ROCK2: variants seen among roughly 807,000 people sequenced by gnomAD.
ROCK2 encodes the protein rho-associated protein kinase 2.
Under a neutral mutation model 195.1 loss-of-function variants are expected in ROCK2, and 61 were observed. That is an observed-to-expected ratio of 0.31 (90% CI 0.25 to 0.39). The LOEUF is 0.39. ROCK2 is among the 10% of genes least tolerant of loss of function. The pLI is 1.00. For missense variants in ROCK2, 1,109 were observed against 1,637.4 expected, an observed-to-expected ratio of 0.68 and a Z score of 5.57; for synonymous variants, 504 against 545.5, an observed-to-expected ratio of 0.92 and a Z score of 1.06.
chr2:11,260,379 T>C (rs974983908), intron 3 of ROCK2, among the ~76,000 whole-genome samples: 13 of 139,898 alleles, frequency 9.3e-5, no homozygotes, highest in Admixed American at 1.6e-4. Context: ...ACCTGGGAGG[T>C]AGAGGTTGCA....
chr2:11,327,114 T>G (rs1017138905), intron 1 of ROCK2, among the ~76,000 whole-genome samples: 2 of 152,192 alleles, frequency 1.3e-5, no homozygotes, highest in African/African-American at 4.8e-5. Context: ...CTTTTTTTGT[T>G]GGCCAAAGAG....
chr2:11,302,382 T>C (rs1413412166), intron 1 of ROCK2, among the ~76,000 whole-genome samples: 1 of 151,778 alleles, frequency 6.6e-6, no homozygotes, highest in Non-Finnish European at 1.5e-5. Flanking sequence ...TGCAGTGGTA[T>C]GGTCTGGCTC....
At chr2:11,193,454 C>CA (rs1289846557) in intron 30 of ROCK2, among the ~76,000 whole-genome samples, 2 of 151,822 alleles carry the variant, frequency 1.3e-5, no homozygotes, top group African/African-American at 2.4e-5. Context: ...TGAGATTAAA[C>CA]AAAAACAGAA....
intron 4 of ROCK2, among the ~76,000 whole-genome samples, chr2:11,237,083 C>T (rs1237538813): frequency 2.0e-5 from 3 of 152,128 alleles, no homozygotes; most frequent in Non-Finnish European, 2.9e-5. Flanking sequence ...ACCCCGGAGG[C>T]GGAGGTTGCA....
Position 11,344,312 on chromosome 2 carries a change from GGCCCGCCCGGCCCAGCCCGGCCCA to G in ROCK2, c.-200_-177del, listed in dbSNP as rs1288625925. The G allele has an allele frequency of 2.5e-5, 30 of 1,215,484 alleles. No homozygotes were observed. The highest frequency in any genetic ancestry group is 3.1e-5 in the Non-Finnish European group (30 of 979,292). 75.3% of individuals were successfully genotyped at this position (1,215,484 alleles called of 1,614,324 possible). A position where few individuals can be genotyped will look rare whatever the true frequency, so the allele number is the denominator to read the frequency against. ...CCCCCGCCTGGGGGCTGCTCCCAGG[GGCCCGCCCGGCCCAGCCCGGCCCA>G]GCCCGGCCCGGCCCTGCCGGGAGCG... On this transcript the variant is annotated 5_prime_UTR_variant, in exon 1 of 33. Transcript: ENST00000315872. The surrounding 1 kb of genome is among the most constrained non-coding windows in gnomAD (Gnocchi z 5.4).
Position 11,326,364 on chromosome 2 carries a change from T to C in ROCK2, c.141+17632A>G, listed in dbSNP as rs141987240. 2.7e-3 allele frequency among the ~76,000 whole-genome samples: 415 copies of C among 152,334 alleles called. 4 individuals carry two copies. The highest frequency in any genetic ancestry group is 3.5e-3 in the Non-Finnish European group (237 of 68,026). ...AGACAGCAATTTGACAAGTGTCAAG[T>C]ACTTTTGAACATTCTATAAGATTAT... On this transcript the variant is annotated intron_variant, in intron 1 of 32. Transcript: ENST00000315872.
intron 1 of ROCK2, among the ~76,000 whole-genome samples, chr2:11,292,267 A>G (rs1322825536): frequency 6.6e-6 from 1 of 152,216 alleles, no homozygotes; most frequent in African/African-American, 2.4e-5. Context: ...ACTACATTAT[A>G]CAGGTTAATA....
rs76743426 is a variant in ROCK2 at position 11,269,159 on chromosome 2, C to T, written c.324+17380G>A. ...TTTCATATTGGTCATACATCACTTT[C>T]GTGACTTTCTCTACATCTTCCTTTA... On this transcript the variant is annotated intron_variant, in intron 3 of 32. Transcript: ENST00000315872. Among the ~76,000 whole-genome samples, 1,028 of 152,298 alleles carry T rather than the reference C, an allele frequency of 6.7e-3. 5 individuals carry two copies. The highest frequency in any genetic ancestry group is 0.011 in the Non-Finnish European group (776 of 68,026).
At chr2:11,234,532 T>C (rs1295054753) in intron 5 of ROCK2, 1 of 152,118 alleles carries the variant, frequency 6.6e-6, no homozygotes, top group African/African-American at 2.4e-5. Context: ...AAGAGGGAGC[T>C]TTGGGTACAA....
rs1318784999 is a variant in ROCK2 at position 11,208,454 on chromosome 2, T to C, written c.2204-7A>G. The C allele has an allele frequency of 2.1e-6, 3 of 1,442,074 alleles. No homozygotes were observed. The highest frequency in any genetic ancestry group is 2.2e-5 in the Admixed American group (1 of 46,182). The allele number at this position is 1,442,074 out of a possible 1,614,324, so 89.3% of individuals were successfully genotyped here. A position where few individuals can be genotyped will look rare whatever the true frequency, so the allele number is the denominator to read the frequency against. On this transcript the variant is annotated splice_polypyrimidine_tract_variant and splice_region_variant and intron_variant, in intron 18 of 32. Coordinates refer to ENST00000315872, the MANE Select transcript of ROCK2 (RefSeq NM_004850.5). Reference sequence around the variant, plus strand: ...AAGAGCTTCTTCTCCATTTCTAGTATAATAAAAATGGACACAATCATAAAT... The same window carrying C: ...AAGAGCTTCTTCTCCATTTCTAGTACAATAAAAATGGACACAATCATAAAT...
intron 4 of ROCK2, among the ~76,000 whole-genome samples, chr2:11,241,418 T>C (rs1665425563): frequency 6.6e-6 from 1 of 152,278 alleles, no homozygotes. Flanking sequence ...AGACAGAAGC[T>C]GAGACAGAAA....
Position 11,304,180 on chromosome 2 carries a change from G to A in ROCK2, c.142-16444C>T, listed in dbSNP as rs142379527. Among the ~76,000 whole-genome samples the A allele has an allele frequency of 2.6e-5, 4 of 152,098 alleles. No homozygotes were observed. In the East Asian group the frequency reaches 7.7e-4, roughly 29 times the overall value. On this transcript the variant is annotated intron_variant, in intron 1 of 32. Coordinates refer to ENST00000315872, the MANE Select transcript of ROCK2 (RefSeq NM_004850.5). Reference sequence around the variant, plus strand: ...TTATCTCTATTCCAACTAAAATCCTGAATTCAAGACCCATATATCTATTTG... The same window carrying A: ...TTATCTCTATTCCAACTAAAATCCTAAATTCAAGACCCATATATCTATTTG...
intron 32 of ROCK2, among the ~76,000 whole-genome samples, chr2:11,185,521 G>C (rs1050411663): frequency 2.0e-5 from 3 of 152,196 alleles, no homozygotes; most frequent in African/African-American, 7.2e-5. Context: ...CTGAGGTGAG[G>C]AGTTCAAGAC....
chr2:11,310,830 C>T (rs1299071728), intron 1 of ROCK2, among the ~76,000 whole-genome samples: 1 of 151,958 alleles, frequency 6.6e-6, no homozygotes, highest in African/African-American at 2.4e-5. Context: ...ACTTAATTTT[C>T]CAGAATTTTG....
intron 20 of ROCK2, among the ~76,000 whole-genome samples, chr2:11,203,708 A>G (rs1043584765): frequency 4.6e-5 from 7 of 152,152 alleles, no homozygotes; most frequent in Admixed American, 1.3e-4. Context: ...TTATGACTCA[A>G]TGTCACTTAA....
In ROCK2 at chr2:11,201,476, AGCTATTC is replaced by A; in HGVS notation, c.2620-70_2620-64del. On this transcript the variant is annotated intron_variant, in intron 21 of 32. Transcript: ENST00000315872. This position sits in a 1 kb window ranked among gnomAD's most constrained non-coding sequence, Gnocchi z 4.6. ...CAGAAATATTACTTCTACATTCAAA[AGCTATTC>A]AGACAAAAAGGAGAATGAACACATA... 1 of 898,466 alleles carries A rather than the reference AGCTATTC, an allele frequency of 1.1e-6. No individual in the cohort carries two copies. The highest frequency in any genetic ancestry group is 2.0e-5 in the Admixed American group (1 of 50,980). 55.7% of individuals were successfully genotyped at this position (898,466 alleles called of 1,614,324 possible).
rs1419522234 is a variant in ROCK2 at position 11,277,430 on chromosome 2, C to T, written c.324+9109G>A. On this transcript the variant is annotated intron_variant, in intron 3 of 32. Coordinates refer to ENST00000315872, the MANE Select transcript of ROCK2 (RefSeq NM_004850.5). ...TGTGTAAGATTTTGGTGCACCCATC[C>T]CCCAAGAGTATACACTGCACCCTAT... Among the ~76,000 whole-genome samples the T allele has an allele frequency of 1.6e-4, 10 of 63,844 alleles. No homozygotes were observed. The East Asian group carries it at 0.018, about 113-fold the overall frequency. 41.9% of individuals were successfully genotyped at this position (63,844 alleles called of 152,430 possible).
At chr2:11,221,940 A>C (rs1664652748) in intron 8 of ROCK2, 143 bp downstream of exon 8, 1 of 547,238 alleles carries the variant, frequency 1.8e-6, no homozygotes, top group African/African-American at 1.9e-5. Flanking sequence ...ATATTGCCAC[A>C]GAACAAATTT....
chr2:11,266,450 G>A (rs1473819395), intron 3 of ROCK2, among the ~76,000 whole-genome samples: 1 of 152,206 alleles, frequency 6.6e-6, no homozygotes, highest in African/African-American at 2.4e-5. Context: ...TGCTGCGCAT[G>A]ACTGTACTGT....
Sources: gnomAD v4.1 joint callset for allele counts (sites outside exome capture counted in the v4.1 genomes callset) on GRCh38, gnomAD v4.1.1 for gene constraint, Gnocchi (gnomAD v3.1) non-coding constraint, MANE v1.5 for transcripts, NCBI Gene and HGNC (gene_info 2026-07-23, HGNC 2026-07-21) for gene names.